MCM3AP: variants seen among roughly 807,000 people sequenced by gnomAD.
MCM3AP encodes the protein minichromosome maintenance complex component 3 associated protein, also known as germinal-center associated nuclear protein.
Under a neutral mutation model 184.1 loss-of-function variants are expected in MCM3AP, and 126 were observed. That is an observed-to-expected ratio of 0.68 (90% CI 0.59 to 0.79). The LOEUF (loss-of-function observed/expected upper bound fraction) is 0.79. Ranked by LOEUF, MCM3AP falls within the 30% of genes least tolerant of loss-of-function variation. The pLI is 0.00. For missense variants in MCM3AP, 2,496 were observed against 2,479.2 expected, an observed-to-expected ratio of 1.01 and a Z score of -0.14; for synonymous variants, 1,002 against 979.3, an observed-to-expected ratio of 1.02 and a Z score of -0.43.
intron 2 of MCM3AP, among the ~76,000 whole-genome samples, chr21:46,282,808 A>T (rs1255529015): frequency 2.0e-5 from 3 of 152,120 alleles, no homozygotes; most frequent in East Asian, 1.9e-4. Flanking sequence ...CCATCTCAAA[A>T]AAATAAATAA....
intron 19 of MCM3AP, chr21:46,252,290 G>A (rs1470646399): frequency 6.6e-6 from 1 of 152,122 alleles, no homozygotes; most frequent in Non-Finnish European, 1.5e-5. Context: ...AACATCCCTA[G>A]AGTTTGAAAT....
At position 46,285,320 on chromosome 21, in the gene MCM3AP, TTA is replaced by T. The variant is rs772854340; in HGVS notation, c.-36_-35del. 1.3e-6 allele frequency: 2 copies of T among 1,489,384 alleles called. No individual in the cohort carries two copies. Among genetic ancestry groups the T allele is most frequent in the African/African-American group, 2.8e-5 (2 of 71,794 alleles). The allele number at this position is 1,489,384 out of a possible 1,614,324, so 92.3% of individuals were successfully genotyped here. On this transcript the variant is annotated 5_prime_UTR_variant, in exon 1 of 28. The change creates a premature stop within an existing upstream ORF in the 5' untranslated region. Coordinates refer to ENST00000291688, the MANE Select transcript of MCM3AP (RefSeq NM_003906.5). The stretch of plus-strand genomic sequence containing the variant: ...CCAATTATTAGAAGGTAATTAAGTA[TTA>T]TGTGTACAAAATTAATTGGCTTCCT...
chr21:46,254,313 GA>G, intron 19 of MCM3AP, 78 bp downstream of exon 19: 1 of 1,513,814 alleles, frequency 6.6e-7, no homozygotes, highest in Non-Finnish European at 9.1e-7. Context: ...CACATAAGAG[GA>G]ATACCCGGCC....
intron 9 of MCM3AP, among the ~76,000 whole-genome samples, chr21:46,268,726 A>G (rs1245338582): frequency 2.0e-5 from 3 of 152,196 alleles, no homozygotes; most frequent in Non-Finnish European, 4.4e-5. Flanking sequence ...AAAGAAAAAT[A>G]CCCGAATATC....
intron 15 of MCM3AP, among the ~76,000 whole-genome samples, chr21:46,260,221 G>A (rs1180037206): frequency 6.6e-6 from 1 of 152,174 alleles, no homozygotes. Context: ...CAAATTATAG[G>A]TCCATAGGGG....
intron 9 of MCM3AP, among the ~76,000 whole-genome samples, chr21:46,269,327 G>A (rs1353269563): frequency 6.6e-6 from 1 of 152,002 alleles, no homozygotes; most frequent in Non-Finnish European, 1.5e-5. Context: ...ATGTTGCCCA[G>A]GCTGGCCTTG....
chr21:46,267,312 G>C, intron 9 of MCM3AP, 170 bp from the exon 10 acceptor site: 2 of 618,240 alleles, frequency 3.2e-6, no homozygotes, highest in Non-Finnish European at 5.7e-6. Flanking sequence ...GATCATAGGC[G>C]GTCTGCTCAG....
At chr21:46,278,140 T>G (rs919069978) in intron 4 of MCM3AP, among the ~76,000 whole-genome samples, 19 of 145,836 alleles carry the variant, frequency 1.3e-4, no homozygotes, top group African/African-American at 4.8e-4. Flanking sequence ...GGTGACAGAG[T>G]GAGACTCTAA....
At chr21:46,275,526 G>C (rs962620158) in intron 5 of MCM3AP, among the ~76,000 whole-genome samples, 11 of 152,108 alleles carry the variant, frequency 7.2e-5, no homozygotes, top group African/African-American at 2.7e-4. Flanking sequence ...GGACATCAAA[G>C]CTCCCAAAGA....
intron 7 of MCM3AP, 131 bp downstream of exon 7, chr21:46,273,257 G>T: frequency 1.1e-6 from 1 of 871,310 alleles, no homozygotes; most frequent in Non-Finnish European, 1.8e-6. Context: ...TTACAGGCCT[G>T]AGCCACTGCA....
rs2081368751 is a variant in MCM3AP, at chr21:46,284,128, G to C, written c.1159C>G (p.Pro387Ala). The change falls in exon 1 of 28, where the codon CCT (proline) becomes GCT (alanine). Residue 387 changes from proline (P) to alanine (A), a missense_variant. By Grantham distance (27) the Pro-to-Ala change is conservative. Transcript: ENST00000291688. ...IPGGNQSVLA[P>A]SRIPGVNKEE... ...TTATTCACACCTGGAATCCGGGAAG[G>C]TGCCAGGACAGACTGATTCCCTCCT... The C allele has an allele frequency of 1.2e-6, 2 of 1,614,120 alleles. No individual in the cohort carries two copies. Among genetic ancestry groups the C allele is most frequent in the South Asian group, 1.1e-5 (1 of 91,082 alleles).
At chr21:46,274,473 CTAA>C (rs1291054581) in intron 6 of MCM3AP, among the ~76,000 whole-genome samples, 1 of 152,070 alleles carries the variant, frequency 6.6e-6, no homozygotes, top group Non-Finnish European at 1.5e-5. Context: ...GACAGAGCTA[CTAA>C]TAAAATAATA....
chr21:46,246,180 G>A (rs1186174745), intron 22 of MCM3AP, 127 bp downstream of exon 22: 2 of 646,076 alleles, frequency 3.1e-6, no homozygotes, highest in Non-Finnish European at 2.8e-6. Flanking sequence ...ACTATACTGG[G>A]TGACAATAAA....
chr21:46,279,117 C>G (rs2081293037), intron 4 of MCM3AP, among the ~76,000 whole-genome samples: 1 of 151,800 alleles, frequency 6.6e-6, no homozygotes, highest in South Asian at 2.1e-4. Context: ...GAAACCCCAT[C>G]TCTACTAAAA....
chr21:46,262,920 A>G (rs1190611744), intron 13 of MCM3AP, among the ~76,000 whole-genome samples: 3 of 142,586 alleles, frequency 2.1e-5, no homozygotes, highest in African/African-American at 7.8e-5. Context: ...GTGAGCCGAG[A>G]TCACGCCACT....
In MCM3AP at chr21:46,280,070, T is replaced by C; in HGVS notation, c.1590A>G (p.Thr530=). 6 of 1,614,202 alleles carry C rather than the reference T, an allele frequency of 3.7e-6. No homozygotes were observed. The highest frequency in any genetic ancestry group is 5.1e-6 in the Non-Finnish European group (6 of 1,180,014). ...GAGAGTGCTGAAAGGGTGCATCCTC[T>C]GTGCTCGGGCTGACTTCACCGTCAC... is the stretch of plus-strand genomic sequence containing the variant. ...KPGDGEVSPS[T]EDAPFQHSPL... Residue 530 remains threonine, a synonymous_variant, in exon 4 of 28, where the codon ACA becomes ACG. Coordinates refer to ENST00000291688, the MANE Select transcript of MCM3AP (RefSeq NM_003906.5).
chr21:46,282,101 G>A (rs567781436), intron 2 of MCM3AP, among the ~76,000 whole-genome samples: 11 of 152,218 alleles, frequency 7.2e-5, no homozygotes, highest in East Asian at 3.9e-4. Flanking sequence ...ACCGGAGTTC[G>A]AGACCTGCCT....
At chr21:46,274,413 C>A (rs1259722650) in intron 6 of MCM3AP, among the ~76,000 whole-genome samples, 1 of 152,102 alleles carries the variant, frequency 6.6e-6, no homozygotes, top group Non-Finnish European at 1.5e-5. Flanking sequence ...ACTAATAGAA[C>A]TAAAAATTTA....
In MCM3AP at chr21:46,259,169, GAGTC is replaced by G. The variant is rs1488842308; in HGVS notation, c.3582-82_3582-79del. On this transcript the variant is annotated intron_variant, in intron 15 of 27. Transcript: ENST00000291688. ...CTGAGGGCTTGCTTGAAAAGTGCAAGAGTCAGTCAGGCGCGGTGGCTCACGCCTG... is the reference window on the plus strand; with the variant it reads ...CTGAGGGCTTGCTTGAAAAGTGCAAGAGTCAGGCGCGGTGGCTCACGCCTG... The G allele has an allele frequency of 6.8e-6, 10 of 1,465,240 alleles. No individual in the cohort carries two copies. In the African/African-American group the frequency reaches 1.4e-4, roughly 21 times the overall value. 90.8% of individuals were successfully genotyped at this position (1,465,240 alleles called of 1,614,324 possible). A position where few individuals can be genotyped will look rare whatever the true frequency, so the allele number is the denominator to read the frequency against.
Sources: allele counts gnomAD v4.1 joint callset (sites outside exome capture counted in the v4.1 genomes callset), GRCh38; gene constraint gnomAD v4.1.1; transcripts MANE v1.5; gene names NCBI Gene and HGNC (gene_info 2026-07-23, HGNC 2026-07-21).